The following DGCR8 variants were observed in gnomAD, a reference collection of about 807,000 sequenced individuals.
DGCR8 encodes DGCR8 microprocessor complex subunit, also known as microprocessor complex subunit DGCR8.
A neutral mutation model predicts 78.5 loss-of-function variants in DGCR8; 14 were observed. The ratio of observed to expected loss-of-function variants is 0.18; its 90% confidence interval spans 0.12 to 0.28. DGCR8 has a LOEUF of 0.28. DGCR8 is among the 10% of genes least tolerant of loss of function. The pLI is 1.00. For synonymous variants in DGCR8, 399 were observed against 402.4 expected, an observed-to-expected ratio of 0.99 and a Z score of 0.10; for missense variants, 702 against 1,022.5, an observed-to-expected ratio of 0.69 and a Z score of 4.28.
Position 20,087,869 on chromosome 22 carries a change from G to A in DGCR8, c.880+548G>A, listed in dbSNP as rs2049505535. ...GGCACTTCCTCAACTTTGAGTTGAG[G>A]GTAGTGGGGAGAGCACTTGAGAGGC... is the stretch of plus-strand genomic sequence containing the variant. On this transcript the variant is annotated intron_variant, in intron 3 of 13. Transcript: ENST00000351989. This position sits in a 1 kb window ranked among gnomAD's most constrained non-coding sequence, Gnocchi z 4.1. Among the ~76,000 whole-genome samples the A allele has an allele frequency of 1.3e-5, 2 of 152,194 alleles. No homozygotes were observed. Among genetic ancestry groups the A allele is most frequent in the South Asian group, 4.1e-4 (2 of 4,824 alleles).
intron 8 of DGCR8, among the ~76,000 whole-genome samples, chr22:20,094,153 A>C (rs7291773): frequency 0.031 from 4,663 of 152,252 alleles, 95 homozygotes; most frequent in Middle Eastern, 0.044. Context: ...GCTGCCCTAT[A>C]GACAGCTTGG....
In DGCR8 at chr22:20,094,697, CT is replaced by C. The variant is rs764348264; in HGVS notation, c.1706-15del. The C allele has an allele frequency of 6.2e-7, 1 of 1,612,750 alleles. No individual in the cohort carries two copies. Among genetic ancestry groups the C allele is most frequent in the African/African-American group, 1.3e-5 (1 of 74,852 alleles). ...GCAGTGCCCAAGCCTCACCCTCGGG[CT>C]CTTTTTTTTCATAGCCCGAGCTACA... On this transcript the variant is annotated splice_polypyrimidine_tract_variant and intron_variant, in intron 8 of 13. Coordinates refer to ENST00000351989, the MANE Select transcript of DGCR8 (RefSeq NM_022720.7).
intron 11 of DGCR8, 97 bp downstream of exon 11, chr22:20,106,795 A>G: frequency 1.2e-6 from 1 of 858,834 alleles, no homozygotes; most frequent in Non-Finnish European, 2.0e-6. Flanking sequence ...TTGCCCTGGC[A>G]TTGTCCCTGA....
intron 12 of DGCR8, chr22:20,108,538 T>G (rs1417092981): frequency 7.7e-6 from 2 of 259,596 alleles, no homozygotes. Flanking sequence ...CGTGCTGTTC[T>G]TACTGGCTAT....
rs1370231783 is a variant in DGCR8 at position 20,086,018 on chromosome 22, G to T, written c.55G>T (p.Val19Leu). Residue 19 changes from valine to leucine, a missense_variant, in exon 2 of 14, where the codon GTG (valine) becomes TTG (leucine). Val to Leu is a conservative substitution (Grantham distance 32). Around this residue, in one of 4 missense-constraint regions of DGCR8, gnomAD observed 356 missense variants for 448.9 expected, o/e 0.79. Transcript: ENST00000351989. This position sits in a 1 kb window ranked among gnomAD's most constrained non-coding sequence, Gnocchi z 6.4. ...CCCGTGTGGGCCCGCAGGAGAAGCG[G>T]TGATGGAGAGCCGAGCTCGCCCCTT... is the stretch of plus-strand genomic sequence containing the variant. The part of the protein sequence containing the change: ...PLPCGPAGEA[V>L]MESRARPFQA... 1 of 1,613,086 alleles carries T rather than the reference G, an allele frequency of 6.2e-7. No individual in the cohort carries two copies.
chr22:20,100,169 C>T lies in DGCR8; in HGVS notation c.1788+5374C>T, dbSNP rs4276104. On this transcript the variant is annotated intron_variant, in intron 9 of 13. Transcript: ENST00000351989. ...GCAACCTCCGCCTCCTGGGTTCAAG[C>T]GATTCTTCTGCCTCAGCCTCCTGAG... is the stretch of plus-strand genomic sequence containing the variant. 5.2e-4 allele frequency: 93 copies of T among 177,550 alleles called. 1 individual carries two copies. The highest frequency in any genetic ancestry group is 2.1e-3 in the African/African-American group (88 of 41,978). 11.0% of individuals were successfully genotyped at this position (177,550 alleles called of 1,614,324 possible). A position where few individuals can be genotyped will look rare whatever the true frequency, so the allele number is the denominator to read the frequency against.
At chr22:20,093,536 C>T (rs577078504) in intron 8 of DGCR8, among the ~76,000 whole-genome samples, 52 of 152,158 alleles carry the variant, frequency 3.4e-4, no homozygotes, top group African/African-American at 1.3e-3. Flanking sequence ...TGCTGTAGTG[C>T]TTGTTTGTTT....
chr22:20,084,941 T>C (rs2049462010), intron 1 of DGCR8: 1 of 983,624 alleles, frequency 1.0e-6, no homozygotes, highest in African/African-American at 1.7e-5. Context: ...GGCTCCTTAT[T>C]GTCCCCAGGG....
At chr22:20,101,005 T>C (rs187644396) in intron 9 of DGCR8, among the ~76,000 whole-genome samples, 5 of 152,314 alleles carry the variant, frequency 3.3e-5, no homozygotes, top group South Asian at 2.1e-4. Context: ...CTTATGAAAC[T>C]TATTTTTCAT....
At chr22:20,102,043 T>C (rs1405013254) in intron 9 of DGCR8, 1 of 985,216 alleles carries the variant, frequency 1.0e-6, no homozygotes, top group Non-Finnish European at 1.2e-6. Flanking sequence ...TGGTGGTTCA[T>C]GGCTATTAAA....
At position 20,101,184 on chromosome 22, in the gene DGCR8, G is replaced by T. The variant is rs111543604; in HGVS notation, c.1789-4993G>T. 1,038 of 984,898 alleles carry T rather than the reference G, an allele frequency of 1.1e-3. 8 individuals carry two copies. The African/African-American group carries it at 0.016, about 16-fold the overall frequency. 61.0% of individuals were successfully genotyped at this position (984,898 alleles called of 1,614,324 possible). A position where few individuals can be genotyped will look rare whatever the true frequency, so the allele number is the denominator to read the frequency against. On this transcript the variant is annotated intron_variant, in intron 9 of 13. Transcript: ENST00000351989. ...TTTAAGAACTCTGTTCTGGGAACCT[G>T]AGAGAAGACCGTGTGTTTTTATGAT...
chr22:20,084,258 C>T (rs1207493692), intron 1 of DGCR8, among the ~76,000 whole-genome samples: 2 of 152,158 alleles, frequency 1.3e-5, no homozygotes, highest in Admixed American at 6.5e-5. Context: ...CTGTTCTTTC[C>T]GGGAATCTTG....
At position 20,090,137 on chromosome 22, in the gene DGCR8, T is replaced by A; in HGVS notation, c.1185T>A (p.Pro395=). The stretch of plus-strand genomic sequence containing the variant: ...AGCTGGAGTTTCCCCTGGATGAGCC[T>A]GACTCTATGGGTGCTGACCCGGGGC... ...SAELEFPLDE[P]DSMGADPGPP... Residue 395 remains proline (P), a synonymous_variant, in exon 5 of 14, where the codon CCT becomes CCA. Coordinates refer to ENST00000351989, the MANE Select transcript of DGCR8 (RefSeq NM_022720.7). 6.2e-7 allele frequency: 1 copy of A among 1,614,242 alleles called. No homozygotes were observed. Among genetic ancestry groups the A allele is most frequent in the Non-Finnish European group, 8.5e-7 (1 of 1,180,054 alleles).
At chr22:20,103,335 T>C (rs1399297031) in intron 9 of DGCR8, among the ~76,000 whole-genome samples, 1 of 150,582 alleles carries the variant, frequency 6.6e-6, no homozygotes, top group Non-Finnish European at 1.5e-5. Context: ...TATATTCTAC[T>C]AGATTTATAG....
At chr22:20,088,167 C>T (rs900910408) in intron 3 of DGCR8, among the ~76,000 whole-genome samples, 2 of 152,128 alleles carry the variant, frequency 1.3e-5, no homozygotes, top group African/African-American at 4.8e-5. Flanking sequence ...GTTAGCTATG[C>T]CAGGTGCCAC....
chr22:20,110,886 C>T lies in DGCR8; in HGVS notation c.*778C>T. ...TGAGGCCCTCTCTGCCTTTCCTGGC[C>T]TCCGGCAACAGTTTTTTACAAAGAT... On this transcript the variant is annotated 3_prime_UTR_variant, in exon 14 of 14. Coordinates refer to ENST00000351989, the MANE Select transcript of DGCR8 (RefSeq NM_022720.7). 3.5e-6 allele frequency: 1 copy of T among 283,270 alleles called. No individual in the cohort carries two copies. The highest frequency in any genetic ancestry group is 6.5e-6 in the Non-Finnish European group (1 of 153,988). The allele number at this position is 283,270 out of a possible 1,614,324, so 17.5% of individuals were successfully genotyped here.
At chr22:20,088,769 A>G (rs1049621803) in intron 3 of DGCR8, among the ~76,000 whole-genome samples, 10 of 151,366 alleles carry the variant, frequency 6.6e-5, no homozygotes, top group Admixed American at 2.0e-4. Context: ...CCCCTTATGT[A>G]TATTTTTTAA....
chr22:20,090,048 CA>C lies in DGCR8; in HGVS notation c.1099del (p.Ser367AlafsTer16). 1.9e-6 allele frequency: 3 copies of C among 1,614,228 alleles called. No individual in the cohort carries two copies. The highest frequency in any genetic ancestry group is 2.5e-6 in the Non-Finnish European group (3 of 1,180,038). ...KKMKDNEERE[Q>X]SSDLTPSGDV... ...AATGAAGGACAACGAGGAACGGGAG[CA>C]AAGCAGTGACCTCACCCCTAGTGGG... is the stretch of plus-strand genomic sequence containing the variant. On this transcript the variant is annotated frameshift_variant, in exon 5 of 14. Coordinates refer to ENST00000351989, the MANE Select transcript of DGCR8 (RefSeq NM_022720.7). LOFTEE classifies it high-confidence loss of function.
At chr22:20,098,162 T>C (rs2049653135) in intron 9 of DGCR8, among the ~76,000 whole-genome samples, 1 of 150,678 alleles carries the variant, frequency 6.6e-6, no homozygotes, top group Non-Finnish European at 1.5e-5. Flanking sequence ...AAAATATATA[T>C]ATATATGGGG....
Sources: allele counts gnomAD v4.1 joint callset (sites outside exome capture counted in the v4.1 genomes callset), GRCh38; gene constraint gnomAD v4.1.1; regional missense constraint gnomAD v4.1.1; non-coding constraint Gnocchi (gnomAD v3.1); transcripts MANE v1.5; gene names NCBI Gene and HGNC (gene_info 2026-07-23, HGNC 2026-07-21).